The following PTPRZ1 variants were observed in gnomAD, a reference collection of about 807,000 sequenced individuals.
PTPRZ1 encodes the protein protein tyrosine phosphatase receptor type Z1, also known as receptor-type tyrosine-protein phosphatase zeta.
PTPRZ1 carries 82 observed loss-of-function variants against 214.1 expected under a neutral mutation model. The ratio of observed to expected loss-of-function variants is 0.38; its 90% CI spans 0.32 to 0.46. The LOEUF is 0.46. Among genes scored for constraint, PTPRZ1 ranks in the 20% least tolerant of loss-of-function variants. The pLI, the probability that PTPRZ1 is intolerant of heterozygous loss-of-function variation, is 1.00. For synonymous variants in PTPRZ1, 945 were observed against 987.9 expected (o/e 0.96, Z 0.81); for missense variants, 2,603 against 2,748.7 (o/e 0.95, Z 1.19).
At chr7:121,917,021 A>C (rs1383445421) in intron 1 of PTPRZ1, among the ~76,000 whole-genome samples, 4 of 152,250 alleles carry the variant, frequency 2.6e-5, no homozygotes, top group Non-Finnish European at 5.9e-5. Flanking sequence ...ATGTGAAGCC[A>C]CTAAAATGAT....
At chr7:122,045,968 T>G (rs747583432) in intron 23 of PTPRZ1, among the ~76,000 whole-genome samples, 3 of 152,166 alleles carry the variant, frequency 2.0e-5, no homozygotes, top group Non-Finnish European at 2.9e-5. Context: ...GTAGAAAATT[T>G]CCTTGAAATA....
chr7:122,023,513 T>A (rs1363296059), intron 13 of PTPRZ1, among the ~76,000 whole-genome samples: 2 of 110,138 alleles, frequency 1.8e-5, no homozygotes, highest in East Asian at 5.0e-4. Flanking sequence ...ATGTATAATT[T>A]TATATATAAT....
In PTPRZ1 at chr7:121,997,984, C is replaced by T. The variant is rs749144425; in HGVS notation, c.1218C>T (p.Val406=). 9.3e-6 allele frequency: 15 copies of T among 1,612,920 alleles called. No homozygotes were observed. Among genetic ancestry groups the T allele is most frequent in the South Asian group, 4.4e-5 (4 of 90,980 alleles). Residue 406 remains valine, a synonymous_variant, in exon 10 of 30, where the codon GTC becomes GTT. Coordinates refer to ENST00000393386, the MANE Select transcript of PTPRZ1 (RefSeq NM_002851.3). ...GAAAATACAGCGACCAACTGATTGTCGACATGCCTACTGATAATCCTGGTA... is the reference window on the plus strand; with the variant it reads ...GAAAATACAGCGACCAACTGATTGTTGACATGCCTACTGATAATCCTGGTA... ...LYGKYSDQLI[V]DMPTDNPELD... is the part of the protein sequence containing the mutation.
chr7:122,034,792 C>T (rs541708346), intron 17 of PTPRZ1, among the ~76,000 whole-genome samples: 1 of 152,162 alleles, frequency 6.6e-6, no homozygotes, highest in African/African-American at 2.4e-5. Context: ...TACCTGTTTC[C>T]TCCCTTTCTT....
intron 12 of PTPRZ1, among the ~76,000 whole-genome samples, chr7:122,017,542 T>C (rs191733175): frequency 7.2e-6 from 1 of 138,236 alleles, no homozygotes; most frequent in African/African-American, 2.7e-5. Flanking sequence ...ACATTACATT[T>C]ATTTATTTAT....
intron 1 of PTPRZ1, among the ~76,000 whole-genome samples, chr7:121,894,090 G>T (rs972219087): frequency 2.6e-5 from 4 of 151,988 alleles, no homozygotes; most frequent in African/African-American, 9.7e-5. Flanking sequence ...AAAATTTTTC[G>T]AAGGATAAGT....
intron 10 of PTPRZ1, 110 bp downstream of exon 10, chr7:121,998,116 AT>A: frequency 7.9e-7 from 1 of 1,266,318 alleles, no homozygotes; most frequent in Non-Finnish European, 1.1e-6. Context: ...AGGCAAAGTG[AT>A]TTTCTCTTAA....
chr7:121,873,660 C>A, intron 1 of PTPRZ1, 103 bp downstream of exon 1: 1 of 1,409,996 alleles, frequency 7.1e-7, no homozygotes, highest in Non-Finnish European at 9.9e-7. Flanking sequence ...CGCCATCTAG[C>A]CAGGAGGAAA....
intron 2 of PTPRZ1, among the ~76,000 whole-genome samples, chr7:121,929,320 C>T (rs991396957): frequency 2.0e-4 from 31 of 151,872 alleles, no homozygotes; most frequent in Non-Finnish European, 3.1e-4. Context: ...TTTAATATTC[C>T]TGCTGATCAT....
chr7:122,005,337 A>T (rs1225856795), intron 11 of PTPRZ1, among the ~76,000 whole-genome samples: 1 of 151,896 alleles, frequency 6.6e-6, no homozygotes, highest in Admixed American at 6.6e-5. Flanking sequence ...GTTCATCATA[A>T]CTGAAATTAT....
chr7:121,911,523 C>G (rs996711414), intron 1 of PTPRZ1, among the ~76,000 whole-genome samples: 1 of 152,030 alleles, frequency 6.6e-6, no homozygotes, highest in South Asian at 2.1e-4. Flanking sequence ...TTTAAAATAA[C>G]TTTTCATGTC....
chr7:122,011,363 C>G lies in PTPRZ1; in HGVS notation c.2317C>G (p.Pro773Ala). The G allele has an allele frequency of 6.2e-7, 1 of 1,614,058 alleles. No homozygotes were observed. Among genetic ancestry groups the G allele is most frequent in the South Asian group, 1.1e-5 (1 of 91,086 alleles). Residue 773 changes from proline to alanine, a missense_variant, in exon 12 of 30, where the codon CCT (proline) becomes GCT (alanine). By Grantham distance (27) the Pro-to-Ala change is conservative. This residue lies in a region of PTPRZ1 where 1,913 missense variants were observed against 1,914.3 expected (regional missense o/e 1.00). Transcript: ENST00000393386. Reference protein sequence around the residue: ...YSSEVFPLVTPLLLDNQILNT... With the variant: ...YSSEVFPLVTALLLDNQILNT... The stretch of plus-strand genomic sequence containing the variant: ...TAGTGAAGTCTTTCCTCTAGTCACC[C>G]CTTTGTTGCTTGACAATCAGATCCT...
At chr7:121,956,214 A>C (rs2116472335) in intron 2 of PTPRZ1, among the ~76,000 whole-genome samples, 1 of 152,176 alleles carries the variant, frequency 6.6e-6, no homozygotes, top group Middle Eastern at 3.4e-3. Context: ...AAAATTGAAA[A>C]GTTAAACCAA....
At position 122,039,463 on chromosome 7, in the gene PTPRZ1, G is replaced by A. The variant is rs1799648802; in HGVS notation, c.5512G>A (p.Asp1838Asn). 1.2e-6 allele frequency: 2 copies of A among 1,610,594 alleles called. No homozygotes were observed. Among genetic ancestry groups the A allele is most frequent in the African/African-American group, 2.7e-5 (2 of 74,676 alleles). The change falls in exon 20 of 30, where the codon GAT becomes AAT. Residue 1838 changes from aspartate (D) to asparagine (N), a missense_variant. Transcript: ENST00000393386. ...ACATTTTCTTTTGCAGAGAAAATGT[G>A]ATCAGTACTGGCCTGCCGATGGGAG... is the stretch of plus-strand genomic sequence containing the variant. The part of the protein sequence containing the change: ...NLVEKGRRKC[D>N]QYWPADGSEE...
chr7:121,921,620 T>C (rs976965053), intron 1 of PTPRZ1, among the ~76,000 whole-genome samples: 1 of 152,172 alleles, frequency 6.6e-6, no homozygotes, highest in East Asian at 1.9e-4. Flanking sequence ...CTCTTTTTAA[T>C]GATATGAATT....
At chr7:122,043,541 G>A (rs1179446946) in intron 22 of PTPRZ1, among the ~76,000 whole-genome samples, 2 of 152,104 alleles carry the variant, frequency 1.3e-5, no homozygotes, top group African/African-American at 4.8e-5. Context: ...AACTTAAATG[G>A]AAACCTATGA....
intron 5 of PTPRZ1, 134 bp from the exon 6 acceptor site, chr7:121,976,651 T>C: frequency 3.0e-6 from 2 of 664,662 alleles, no homozygotes; most frequent in Non-Finnish European, 4.7e-6. Flanking sequence ...CACCTAGCTA[T>C]AAAAAAAGTG....
intron 1 of PTPRZ1, among the ~76,000 whole-genome samples, chr7:121,882,093 A>C (rs1449518536): frequency 6.6e-6 from 1 of 152,260 alleles, no homozygotes; most frequent in Non-Finnish European, 1.5e-5. Flanking sequence ...TTAAAAATTA[A>C]CAATGAACTT....
intron 2 of PTPRZ1, among the ~76,000 whole-genome samples, chr7:121,959,960 T>G (rs951742561): frequency 3.9e-5 from 6 of 152,248 alleles, no homozygotes; most frequent in African/African-American, 1.2e-4. Context: ...TGGTGCTAGA[T>G]GCTATGAAGA....
Sources: allele counts gnomAD v4.1 joint callset (sites outside exome capture counted in the v4.1 genomes callset), GRCh38; gene constraint gnomAD v4.1.1; regional missense constraint gnomAD v4.1.1; transcripts MANE v1.5; gene names NCBI Gene and HGNC (gene_info 2026-07-23, HGNC 2026-07-21).